PPP1R3F: variants seen among roughly 807,000 people sequenced by gnomAD.
The protein encoded by PPP1R3F is protein phosphatase 1 regulatory subunit 3F.
A neutral mutation model predicts 24.2 loss-of-function variants in PPP1R3F; 29 were observed. The observed-to-expected ratio is 1.20, with a 90% CI of 0.89 to 1.63. The LOEUF (loss-of-function observed/expected upper bound fraction) is 1.63. PPP1R3F is among the 40% of genes most tolerant of loss of function. The pLI is 0.00. For synonymous variants in PPP1R3F, 363 were observed against 340.1 expected (o/e 1.07, Z -0.74); for missense variants, 823 against 729.3 (o/e 1.13, Z -1.48).
downstream of PPP1R3F, among the ~76,000 whole-genome samples, chrX:49,291,444 C>A (rs949972156): frequency 3.7e-5 from 4 of 109,407 alleles, no homozygotes; most frequent in Non-Finnish European, 5.7e-5. Context: ...TCTCCTGCCT[C>A]AGCCTTCTGA....
chrX:49,289,794 C>T (rs972567935), downstream of PPP1R3F, among the ~76,000 whole-genome samples: 7 of 111,359 alleles, frequency 6.3e-5, no homozygotes, highest in East Asian at 8.5e-4. Flanking sequence ...ATGGGCTGGG[C>T]GCGGTGGCTC....
chrX:49,291,703 G>A (rs1313910486), downstream of PPP1R3F, among the ~76,000 whole-genome samples: 1 of 109,618 alleles, frequency 9.1e-6, no homozygotes, highest in Non-Finnish European at 1.9e-5. Context: ...ACAGGTGAGG[G>A]CCTTCCATGT....
rs2066158525 is a variant in PPP1R3F at position 49,269,828 on chromosome X, G to A, written c.-42G>A. ...CGCCCCTTCAGGCCCTGCCCCCGCC[G>A]GTCCCGCCGCCGGTGCCGTCGGTGC... On this transcript the variant is annotated 5_prime_UTR_variant, in exon 1 of 4. Coordinates refer to ENST00000055335, the MANE Select transcript of PPP1R3F (RefSeq NM_033215.5). 4.7e-6 allele frequency: 4 copies of A among 845,024 alleles called. No homozygotes were observed. The highest frequency in any genetic ancestry group is 6.7e-5 in the Admixed American group (1 of 15,003). The allele number at this position is 845,024 out of a possible 1,213,427, so 69.6% of individuals were successfully genotyped here.
rs2066291950 is a variant in PPP1R3F at position 49,287,071 on chromosome X, C to G, written c.2381C>G (p.Ser794Cys). 1 of 1,209,797 alleles carries G rather than the reference C, an allele frequency of 8.3e-7. No homozygotes were observed. The highest frequency in any genetic ancestry group is 1.1e-6 in the Non-Finnish European group (1 of 895,371). The change falls in exon 4 of 4, where the codon TCT (serine) becomes TGT (cysteine). Residue 794 changes from serine to cysteine, a missense_variant. Coordinates refer to ENST00000055335, the MANE Select transcript of PPP1R3F (RefSeq NM_033215.5). ...CTCCTGGTGCTTGCGCTGTGCCTCT[C>G]TCTGGCTTGGTTCTCATAGGCTCTG... ...VSLLVLALCL[S>C]LAWFS
intron 1 of PPP1R3F, among the ~76,000 whole-genome samples, chrX:49,280,313 A>G (rs1350740221): frequency 9.0e-6 from 1 of 111,419 alleles, no homozygotes; most frequent in African/African-American, 3.3e-5. Context: ...CAGTGGTGTG[A>G]TTTCGGCTCA....
chrX:49,272,578 C>T (rs782788345), intron 1 of PPP1R3F, among the ~76,000 whole-genome samples: 1 of 112,948 alleles, frequency 8.9e-6, no homozygotes, highest in African/African-American at 3.2e-5. Context: ...CTCCTAAATT[C>T]GGCTCCGCCC....
chrX:49,289,112 C>T (rs781954152), downstream of PPP1R3F, among the ~76,000 whole-genome samples: 2 of 111,538 alleles, frequency 1.8e-5, no homozygotes, highest in East Asian at 5.6e-4. Context: ...GGCCACAGAT[C>T]GAGACTCCAT....
downstream of PPP1R3F, among the ~76,000 whole-genome samples, chrX:49,290,249 C>T (rs1239972644): frequency 1.8e-5 from 2 of 111,455 alleles, no homozygotes; most frequent in African/African-American, 6.5e-5. Context: ...GGCCTCCTTC[C>T]TGCAGAACAA....
intron 1 of PPP1R3F, among the ~76,000 whole-genome samples, chrX:49,272,605 T>C (rs782739149): frequency 3.5e-5 from 4 of 113,142 alleles, no homozygotes; most frequent in East Asian, 5.5e-4. Context: ...TGTGTGGCCT[T>C]GCCTCCGTTT....
At chrX:49,300,074 C>T (rs1569531265) in intron 3 of PPP1R3F, among the ~76,000 whole-genome samples, 1 of 111,754 alleles carries the variant, frequency 8.9e-6, no homozygotes, top group Non-Finnish European at 1.9e-5. Flanking sequence ...ACAACTCCTG[C>T]AGCAAGCTCC....
At chrX:49,274,969 T>A (rs1224669676) in intron 1 of PPP1R3F, 1 of 110,362 alleles carries the variant, frequency 9.1e-6, no homozygotes, top group Non-Finnish European at 1.9e-5. Flanking sequence ...GAATCTGACA[T>A]CATCAGTCAC....
intron 3 of PPP1R3F, among the ~76,000 whole-genome samples, chrX:49,283,601 A>G (rs1252057486): frequency 9.0e-6 from 1 of 111,481 alleles, no homozygotes; most frequent in African/African-American, 3.3e-5. Flanking sequence ...CAAAGTTGAC[A>G]TGTTGCATTT....
downstream of PPP1R3F, among the ~76,000 whole-genome samples, chrX:49,289,797 G>A (rs2066303512): frequency 5.4e-5 from 6 of 111,441 alleles, no homozygotes; most frequent in Admixed American, 2.9e-4. Flanking sequence ...GGCTGGGCGC[G>A]GTGGCTCACA....
At chrX:49,272,961 A>G (rs917136747) in intron 1 of PPP1R3F, 2 of 109,132 alleles carry the variant, frequency 1.8e-5, no homozygotes, top group African/African-American at 6.7e-5. Flanking sequence ...TCCTCTAGAA[A>G]GCGTGGCATG....
intron 1 of PPP1R3F, among the ~76,000 whole-genome samples, chrX:49,276,767 G>A (rs1170798371): frequency 8.9e-6 from 1 of 112,048 alleles, no homozygotes; most frequent in Non-Finnish European, 1.9e-5. Context: ...AAGTCCCAGA[G>A]TTGAGGCTGA....
intron 1 of PPP1R3F, chrX:49,275,621 G>T (rs1201137503): frequency 9.0e-6 from 1 of 111,115 alleles, no homozygotes; most frequent in East Asian, 2.8e-4. Flanking sequence ...TCTTTATTAG[G>T]GGGTTGCTGG....
At chrX:49,280,355 T>A (rs1412835359) in intron 1 of PPP1R3F, among the ~76,000 whole-genome samples, 1 of 111,186 alleles carries the variant, frequency 9.0e-6, no homozygotes, top group African/African-American at 3.3e-5. Context: ...TTCAAGCGAT[T>A]TTCCTGCCTC....
At chrX:49,296,971 C>T (rs1447841329) in intron 3 of PPP1R3F, among the ~76,000 whole-genome samples, 10 of 110,496 alleles carry the variant, frequency 9.1e-5, no homozygotes, top group African/African-American at 3.3e-4. Context: ...CGATGTGGTG[C>T]TGAGAAGAAT....
chrX:49,271,578 G>C (rs782763664), intron 1 of PPP1R3F, among the ~76,000 whole-genome samples: 2 of 112,591 alleles, frequency 1.8e-5, no homozygotes, highest in Non-Finnish European at 3.8e-5. Flanking sequence ...GGGTAGAGCA[G>C]ATTCTCTTTC....
Sources: allele counts gnomAD v4.1 joint callset (sites outside exome capture counted in the v4.1 genomes callset), GRCh38; gene constraint gnomAD v4.1.1; transcripts MANE v1.5; gene names NCBI Gene and HGNC (gene_info 2026-07-23, HGNC 2026-07-21).